ACOT12: variants seen among roughly 807,000 people sequenced by gnomAD.
ACOT12 encodes the protein acyl-CoA thioesterase 12, also known as acetyl-coenzyme A thioesterase.
A neutral mutation model predicts 67.7 loss-of-function variants in ACOT12; 51 were observed. The ratio of observed to expected loss-of-function variants is 0.75; its 90% CI spans 0.60 to 0.95. The LOEUF is 0.95. Among genes scored for constraint, ACOT12 ranks in the 40% least tolerant of loss-of-function variants. The pLI, the probability that ACOT12 is intolerant of heterozygous loss-of-function variation, is 0.00. For synonymous variants in ACOT12, 251 were observed against 244.6 expected, an observed-to-expected ratio of 1.03 and a Z score of -0.24; for missense variants, 734 against 708.1, an observed-to-expected ratio of 1.04 and a Z score of -0.41.
At chr5:81,331,403 G>T (rs115649264) in intron 13 of ACOT12, among the ~76,000 whole-genome samples, 5,618 of 152,244 alleles carry the variant, frequency 0.037, 333 homozygotes, top group African/African-American at 0.13. Context: ...TGACCATGGT[G>T]GCGCATGCCT....
chr5:81,393,894 A>G, intron 1 of ACOT12, 94 bp downstream of exon 1: 1 of 1,226,664 alleles, frequency 8.2e-7, no homozygotes, highest in African/African-American at 1.7e-5. Flanking sequence ...CTCCGCAAGT[A>G]CCTTCCTCGC....
chr5:81,376,834 G>A (rs1410787616), intron 2 of ACOT12, among the ~76,000 whole-genome samples: 1 of 152,186 alleles, frequency 6.6e-6, no homozygotes, highest in Non-Finnish European at 1.5e-5. Context: ...TTCTGAAATT[G>A]AGGCAGTAAT....
intron 2 of ACOT12, among the ~76,000 whole-genome samples, chr5:81,375,485 A>G (rs1580584974): frequency 6.6e-6 from 1 of 152,352 alleles, no homozygotes; most frequent in Middle Eastern, 3.4e-3. Context: ...AAATTCACAC[A>G]TAACAATATT....
At chr5:81,378,877 T>G (rs1329594271) in intron 2 of ACOT12, among the ~76,000 whole-genome samples, 1 of 152,212 alleles carries the variant, frequency 6.6e-6, no homozygotes, top group Non-Finnish European at 1.5e-5. Context: ...TTTACATTGT[T>G]GGTGGGAGTG....
At chr5:81,310,116 AG>A in the ACOT12 span, among the ~76,000 whole-genome samples, 4 of 145,082 alleles carry the variant, frequency 2.8e-5, no homozygotes, top group Non-Finnish European at 6.0e-5. Flanking sequence ...ATGACTAGTG[AG>A]CAAAAATGGC....
At chr5:81,368,527 T>C (rs754372574) in intron 3 of ACOT12, among the ~76,000 whole-genome samples, 1 of 151,598 alleles carries the variant, frequency 6.6e-6, no homozygotes, top group Non-Finnish European at 1.5e-5. Context: ...AAATTATAAA[T>C]CAAAAACATA....
chr5:81,355,154 T>TCCTGTG (rs1043190007), intron 5 of ACOT12, among the ~76,000 whole-genome samples: 1 of 152,184 alleles, frequency 6.6e-6, no homozygotes, highest in African/African-American at 2.4e-5. Flanking sequence ...CTCTAATTCC[T>TCCTGTG]CCTGTGGAGG....
chr5:81,374,808 A>G (rs1170150702), intron 2 of ACOT12, among the ~76,000 whole-genome samples: 2 of 152,204 alleles, frequency 1.3e-5, no homozygotes, highest in Admixed American at 1.3e-4. Context: ...ATGAAAATAA[A>G]CAAACAAAGC....
Position 81,330,254 on chromosome 5 carries a change from TG to T in ACOT12, c.*139del. The T allele has an allele frequency of 1.1e-6, 1 of 920,730 alleles. No homozygotes were observed. Among genetic ancestry groups the T allele is most frequent in the Middle Eastern group, 2.3e-4 (1 of 4,364 alleles). 57.0% of individuals were successfully genotyped at this position (920,730 alleles called of 1,614,324 possible). A position where few individuals can be genotyped will look rare whatever the true frequency, so the allele number is the denominator to read the frequency against. On this transcript the variant is annotated 3_prime_UTR_variant, in exon 15 of 15. Transcript: ENST00000307624. ...CTGGTATTTGACTTAAGATGCATTT[TG>T]TTTTTTAACTCCGTCACTGCATTTT...
intron 5 of ACOT12, among the ~76,000 whole-genome samples, chr5:81,348,560 T>C (rs373464741): frequency 6.6e-6 from 1 of 152,282 alleles, no homozygotes; most frequent in Admixed American, 6.5e-5. Context: ...TACTTCTTCA[T>C]GTCCTTCTGC....
downstream of ACOT12, among the ~76,000 whole-genome samples, chr5:81,326,117 CTTTTTTTTTTTTTT>C (rs1199895738): frequency 1.3e-5 from 1 of 77,032 alleles, no homozygotes; most frequent in Non-Finnish European, 2.3e-5. Flanking sequence ...CCCTGAGATT[CTTTTTTTTTTTTTT>C]TTTTTTTTTT....
chr5:81,344,081 G>T, intron 9 of ACOT12, 79 bp downstream of exon 9: 1 of 1,473,436 alleles, frequency 6.8e-7, no homozygotes, highest in Non-Finnish European at 9.3e-7. Context: ...CGTGGGAATA[G>T]AGACCCAGAG....
chr5:81,343,669 G>A (rs1759276402), intron 10 of ACOT12, 149 bp downstream of exon 10: 1 of 740,104 alleles, frequency 1.4e-6, no homozygotes, highest in Non-Finnish European at 2.2e-6. Context: ...TGATAGCCTG[G>A]TTTTGTTTCA....
intron 4 of ACOT12, among the ~76,000 whole-genome samples, chr5:81,362,666 G>A (rs1276020112): frequency 6.6e-6 from 1 of 152,094 alleles, no homozygotes; most frequent in African/African-American, 2.4e-5. Flanking sequence ...AGATTTGTGG[G>A]GATGCCAGGA....
chr5:81,385,353 G>A (rs1368284521), intron 2 of ACOT12, among the ~76,000 whole-genome samples: 3 of 152,168 alleles, frequency 2.0e-5, no homozygotes, highest in Non-Finnish European at 4.4e-5. Context: ...TGTAGTCCCA[G>A]CTACTTGGGA....
intron 5 of ACOT12, among the ~76,000 whole-genome samples, chr5:81,352,431 A>G (rs1341729271): frequency 6.6e-6 from 1 of 152,252 alleles, no homozygotes; most frequent in African/African-American, 2.4e-5. Flanking sequence ...AGCCATAAAA[A>G]AGAATGAGAT....
chr5:81,389,955 AT>A (rs34623194), intron 1 of ACOT12, among the ~76,000 whole-genome samples: 5,959 of 129,388 alleles, frequency 0.046, 209 homozygotes, highest in African/African-American at 0.094. Flanking sequence ...TTATTTATGT[AT>A]TTTTTTTTTT....
intron 1 of ACOT12, among the ~76,000 whole-genome samples, chr5:81,393,692 G>A (rs985990858): frequency 5.9e-4 from 89 of 151,050 alleles, no homozygotes; most frequent in African/African-American, 2.0e-3. Flanking sequence ...TCTCCAGCCC[G>A]GGAGAGAGCT....
chr5:81,373,131 G>T (rs1245731414), intron 2 of ACOT12, among the ~76,000 whole-genome samples: 1 of 152,204 alleles, frequency 6.6e-6, no homozygotes, highest in African/African-American at 2.4e-5. Flanking sequence ...GATGCAGAAG[G>T]GGGGTGATTT....
Sources: allele counts gnomAD v4.1 joint callset (sites outside exome capture counted in the v4.1 genomes callset), GRCh38; gene constraint gnomAD v4.1.1; transcripts MANE v1.5; gene names NCBI Gene and HGNC (gene_info 2026-07-23, HGNC 2026-07-21).